The following SPOPL variants were observed in gnomAD, a reference collection of about 807,000 sequenced individuals.
SPOPL encodes speckle-type POZ protein-like.
SPOPL carries 23 observed loss-of-function variants against 53.8 expected under a neutral mutation model. The observed-to-expected ratio is 0.43, with a 90% CI of 0.31 to 0.61. The LOEUF is 0.61. SPOPL is among the 20% of genes least tolerant of loss of function. The pLI, the probability that SPOPL is intolerant of heterozygous loss-of-function variation, is 0.12. For synonymous variants in SPOPL, 164 were observed against 149.7 expected (o/e 1.10, Z -0.70); for missense variants, 442 against 466.9 (o/e 0.95, Z 0.49).
At chr2:138,548,838 A>G (rs1685252084) in intron 1 of SPOPL, among the ~76,000 whole-genome samples, 1 of 152,136 alleles carries the variant, frequency 6.6e-6, no homozygotes, top group Admixed American at 6.5e-5. Flanking sequence ...AGATTTTTCT[A>G]ACAGATAAGT....
rs145705135 is a variant in SPOPL at position 138,518,327 on chromosome 2, A to T, written c.-61+16208A>T. ...TAAATTTGAAAAATGCTTAGGGTTA[A>T]TATTAGTAGATCCAGAATTTGCAAT... On this transcript the variant is annotated intron_variant, in intron 1 of 10. Transcript: ENST00000280098. Among the ~76,000 whole-genome samples, 27 of 152,294 alleles carry T rather than the reference A, an allele frequency of 1.8e-4. No individual in the cohort carries two copies. The East Asian group carries it at 4.6e-3, about 26-fold the overall frequency.
At chr2:138,521,302 A>G (rs1684550983) in intron 1 of SPOPL, among the ~76,000 whole-genome samples, 2 of 151,898 alleles carry the variant, frequency 1.3e-5, no homozygotes, top group Admixed American at 6.6e-5. Flanking sequence ...CAAAGAATAC[A>G]TAGCCTGAAA....
chr2:138,515,186 T>A (rs1374016387), intron 1 of SPOPL, among the ~76,000 whole-genome samples: 12 of 152,252 alleles, frequency 7.9e-5, no homozygotes, highest in Admixed American at 7.8e-4. Context: ...AGTGCACTTC[T>A]AACTTGATAA....
intron 4 of SPOPL, 136 bp downstream of exon 4, chr2:138,551,190 T>G (rs1347276224): frequency 1.4e-5 from 13 of 935,132 alleles, no homozygotes; most frequent in Non-Finnish European, 1.6e-6. Flanking sequence ...ATTTGACCAT[T>G]ATTTAAATCC....
At chr2:138,568,737 A>G (rs552367330) in intron 10 of SPOPL, among the ~76,000 whole-genome samples, 199 bp from the exon 11 acceptor site, 2 of 152,356 alleles carry the variant, frequency 1.3e-5, no homozygotes, top group East Asian at 3.9e-4. Context: ...CCGAACTTCC[A>G]GAAAAATTTA....
intron 4 of SPOPL, among the ~76,000 whole-genome samples, chr2:138,551,388 T>G (rs1685310570): frequency 6.6e-6 from 1 of 151,822 alleles, no homozygotes; most frequent in South Asian, 2.1e-4. Flanking sequence ...CATTTCTCTC[T>G]TGCCTTTTTT....
chr2:138,568,428 G>C (rs1263863902), intron 10 of SPOPL, among the ~76,000 whole-genome samples: 3 of 152,086 alleles, frequency 2.0e-5, no homozygotes, highest in Non-Finnish European at 2.9e-5. Flanking sequence ...GGGTCTTGAG[G>C]CACATCCAAG....
At chr2:138,562,128 C>T (rs991068541) in intron 8 of SPOPL, among the ~76,000 whole-genome samples, 10 of 151,378 alleles carry the variant, frequency 6.6e-5, no homozygotes, top group Admixed American at 3.9e-4. Context: ...TGATAGTAGA[C>T]GCAGCATGTT....
chr2:138,544,479 A>G (rs188376189), intron 1 of SPOPL, among the ~76,000 whole-genome samples: 1,631 of 152,264 alleles, frequency 0.011, 34 homozygotes, highest in African/African-American at 0.037. Context: ...GTTTGATCTC[A>G]GACTGCTGTG....
At chr2:138,554,507 C>T in intron 5 of SPOPL, 1 of 1,289,360 alleles carries the variant, frequency 7.8e-7, no homozygotes, top group Non-Finnish European at 1.0e-6. Context: ...TGCCTCCTCC[C>T]CCTCCCCTGC....
chr2:138,554,347 A>T lies in SPOPL; in HGVS notation c.480+1666A>T, dbSNP rs1685377182. 3 of 602,502 alleles carry T rather than the reference A, an allele frequency of 5.0e-6. No individual in the cohort carries two copies. The South Asian group carries it at 1.0e-4, about 20-fold the overall frequency. The allele number at this position is 602,502 out of a possible 1,614,324, so 37.3% of individuals were successfully genotyped here. A position where few individuals can be genotyped will look rare whatever the true frequency, so the allele number is the denominator to read the frequency against. ...TATTTATACCCTGGGCACCGTATTT[A>T]GCATAGGTGGGCAAAAGGTACTTTT... is the stretch of plus-strand genomic sequence containing the variant. On this transcript the variant is annotated intron_variant, in intron 5 of 10. Transcript: ENST00000280098.
At chr2:138,566,738 TAAAA>T (rs527722335) in intron 10 of SPOPL, among the ~76,000 whole-genome samples, 2 of 152,046 alleles carry the variant, frequency 1.3e-5, no homozygotes, top group African/African-American at 4.8e-5. Context: ...GTGCTGCATA[TAAAA>T]AAAATTTCAA....
intron 8 of SPOPL, chr2:138,564,418 A>G: frequency 3.2e-6 from 1 of 310,368 alleles, no homozygotes; most frequent in South Asian, 5.0e-5. Flanking sequence ...GTAGTAGACA[A>G]GAGAAGTATA....
intron 7 of SPOPL, 28 bp downstream of exon 7, chr2:138,559,365 A>T: frequency 6.3e-7 from 1 of 1,579,042 alleles, no homozygotes. Context: ...GCTAATATTG[A>T]ATTTATATAA....
intron 1 of SPOPL, among the ~76,000 whole-genome samples, chr2:138,509,557 T>TC (rs1684284851): frequency 6.6e-6 from 1 of 152,080 alleles, no homozygotes; most frequent in Non-Finnish European, 1.5e-5. Flanking sequence ...GATTTGTATC[T>TC]CCCCTCCTCG....
intron 1 of SPOPL, among the ~76,000 whole-genome samples, chr2:138,530,922 A>AGTGTGTGTGTGTGT (rs10673306): frequency 7.8e-4 from 115 of 148,056 alleles, no homozygotes; most frequent in Non-Finnish European, 1.0e-3. Context: ...CTGTAGAGTG[A>AGTGTGTGTGTGTGT]GTGTGTGTGT....
chr2:138,533,657 T>C (rs953821541), intron 1 of SPOPL, among the ~76,000 whole-genome samples: 1 of 152,158 alleles, frequency 6.6e-6, no homozygotes, highest in Non-Finnish European at 1.5e-5. Flanking sequence ...CCTGGTACAG[T>C]CTTAGCAAAA....
intron 1 of SPOPL, among the ~76,000 whole-genome samples, chr2:138,515,199 A>G (rs903535535): frequency 2.0e-5 from 3 of 152,250 alleles, no homozygotes; most frequent in African/African-American, 7.2e-5. Flanking sequence ...CTTGATAAAC[A>G]TGGATGAGTT....
intron 1 of SPOPL, among the ~76,000 whole-genome samples, chr2:138,543,497 A>G (rs973223331): frequency 7.2e-5 from 11 of 151,878 alleles, no homozygotes; most frequent in African/African-American, 2.4e-4. Flanking sequence ...ATCTTCCATC[A>G]CTGATACCCT....
Sources: gnomAD v4.1 joint callset for allele counts (sites outside exome capture counted in the v4.1 genomes callset) on GRCh38, gnomAD v4.1.1 for gene constraint, MANE v1.5 for transcripts, NCBI Gene and HGNC (gene_info 2026-07-23, HGNC 2026-07-21) for gene names.